JAG1: variants seen among roughly 807,000 people sequenced by gnomAD.
JAG1 encodes the protein jagged canonical Notch ligand 1.
Under a neutral mutation model 148.7 loss-of-function variants are expected in JAG1, and 23 were observed. The ratio of observed to expected loss-of-function variants is 0.15; its 90% CI spans 0.11 to 0.22. The LOEUF (loss-of-function observed/expected upper bound fraction) is 0.22, where lower values mean the gene tolerates loss of function less well. Among genes scored for constraint, JAG1 ranks in the 10% least tolerant of loss-of-function variants. JAG1 has a pLI of 1.00. For missense variants in JAG1, 1,054 were observed against 1,611.2 expected (o/e 0.65, Z 5.92); for synonymous variants, 572 against 598.3 (o/e 0.96, Z 0.64).
chr20:10,640,078 GA>G (rs2067259845), intron 25 of JAG1, 123 bp from the exon 26 acceptor site: 1 of 780,056 alleles, frequency 1.3e-6, no homozygotes, highest in Admixed American at 2.0e-5. Context: ...GGGCCACAGG[GA>G]CAAGTCCCTT....
chr20:10,661,931 A>G (rs1345240123), intron 3 of JAG1, among the ~76,000 whole-genome samples: 1 of 152,188 alleles, frequency 6.6e-6, no homozygotes, highest in Admixed American at 6.5e-5. Context: ...ATCGCCTTCT[A>G]TATTTCTGGC....
At chr20:10,667,981 G>A (rs2067466599) in intron 2 of JAG1, among the ~76,000 whole-genome samples, 1 of 151,636 alleles carries the variant, frequency 6.6e-6, no homozygotes, top group South Asian at 2.1e-4. Flanking sequence ...TGAGCTGGTA[G>A]AGGACTCTGC....
intron 14 of JAG1, 59 bp downstream of exon 14, chr20:10,646,880 A>T: frequency 6.6e-7 from 1 of 1,520,440 alleles, no homozygotes; most frequent in Non-Finnish European, 9.1e-7. Context: ...CCAGGGGCAG[A>T]GGCAGGGGCA....
At chr20:10,659,708 GAC>G (rs2067403048) in intron 3 of JAG1, among the ~76,000 whole-genome samples, 1 of 151,188 alleles carries the variant, frequency 6.6e-6, no homozygotes, top group African/African-American at 2.4e-5. Flanking sequence ...CCAAAGTTTA[GAC>G]ACAGGTAAAT....
chr20:10,640,186 G>A (rs1415505417), intron 25 of JAG1, among the ~76,000 whole-genome samples: 3 of 152,236 alleles, frequency 2.0e-5, no homozygotes, highest in African/African-American at 7.2e-5. Flanking sequence ...GAGACTGGGT[G>A]GAGCGGCAGC....
At chr20:10,671,825 C>T (rs1280199062) in intron 2 of JAG1, among the ~76,000 whole-genome samples, 1 of 152,208 alleles carries the variant, frequency 6.6e-6, no homozygotes, top group African/African-American at 2.4e-5. Context: ...GGGCCCGGGC[C>T]TCGAGCTCCT....
At position 10,647,955 on chromosome 20, in the gene JAG1, G is replaced by A. The variant is rs757230587; in HGVS notation, c.1720+5C>T. 2.5e-6 allele frequency: 4 copies of A among 1,614,048 alleles called. No homozygotes were observed. In the Admixed American group the frequency reaches 6.7e-5, roughly 27 times the overall value. On this transcript the variant is annotated splice_donor_5th_base_variant and intron_variant, in intron 13 of 25. Transcript: ENST00000254958. Reference sequence around the variant, plus strand: ...GACAGCCAGGTCCCGGGAGAAGGGAGGTACCTTCACAGGGGGTCGTGCGGC... The same window carrying A: ...GACAGCCAGGTCCCGGGAGAAGGGAAGTACCTTCACAGGGGGTCGTGCGGC...
At chr20:10,652,057 C>G in intron 7 of JAG1, 74 bp downstream of exon 7, 1 of 1,526,680 alleles carries the variant, frequency 6.6e-7, no homozygotes, top group African/African-American at 1.4e-5. Flanking sequence ...TTAAACAAGT[C>G]CTTAAGTATA....
At chr20:10,642,628 G>A in intron 20 of JAG1, 27 bp from the exon 21 acceptor site, 1 of 1,310,524 alleles carries the variant, frequency 7.6e-7, no homozygotes, top group Admixed American at 1.7e-5. Context: ...TCAAGTTTAG[G>A]GACTGATGGT....
At chr20:10,666,761 G>A (rs1458994268) in intron 2 of JAG1, among the ~76,000 whole-genome samples, 2 of 152,186 alleles carry the variant, frequency 1.3e-5, no homozygotes, top group African/African-American at 4.8e-5. Context: ...CTGGCAGCTG[G>A]TTCCCATTCT....
chr20:10,640,433 G>A (rs2067262747), intron 25 of JAG1, among the ~76,000 whole-genome samples: 2 of 152,248 alleles, frequency 1.3e-5, no homozygotes, highest in Admixed American at 6.5e-5. Context: ...ACAGAGCTCA[G>A]CAGTGGCTAG....
chr20:10,662,343 C>G (rs999400185), intron 3 of JAG1: 1 of 152,276 alleles, frequency 6.6e-6, no homozygotes, highest in Non-Finnish European at 1.5e-5. Context: ...GGGGACATAA[C>G]TCCCTGACCT....
chr20:10,659,774 G>GA (rs757625114), intron 3 of JAG1, among the ~76,000 whole-genome samples: 1 of 151,322 alleles, frequency 6.6e-6, no homozygotes, highest in Admixed American at 6.6e-5. Flanking sequence ...TCATGCTCCT[G>GA]AAAAAAAATG....
At chr20:10,671,510 C>T (rs1298175172) in intron 2 of JAG1, among the ~76,000 whole-genome samples, 1 of 152,122 alleles carries the variant, frequency 6.6e-6, no homozygotes, top group Non-Finnish European at 1.5e-5. Flanking sequence ...AGATAGTCTC[C>T]CCTCTGTCTC....
chr20:10,657,742 C>T (rs1448429998), intron 4 of JAG1, among the ~76,000 whole-genome samples: 1 of 152,184 alleles, frequency 6.6e-6, no homozygotes, highest in Non-Finnish European at 1.5e-5. Context: ...CAGTAGACAG[C>T]ACAGAGACTA....
intron 2 of JAG1, among the ~76,000 whole-genome samples, chr20:10,667,640 G>A (rs1048147195): frequency 6.6e-6 from 1 of 152,112 alleles, no homozygotes; most frequent in Non-Finnish European, 1.5e-5. Flanking sequence ...AAGCAATCAA[G>A]TCTGTAGGGC....
Position 10,650,276 on chromosome 20 carries a change from G to C in JAG1, c.1205C>G (p.Pro402Arg), listed in dbSNP as rs144204614. 3.7e-5 allele frequency: 60 copies of C among 1,612,912 alleles called. No individual in the cohort carries two copies. The highest frequency in any genetic ancestry group is 4.7e-5 in the Non-Finnish European group (56 of 1,179,098). ...CTGGCACGTTTTCCCAGTCCACTGT[G>C]GGGGGCACACACACTTAAATCCGTT... ...LVNGFKCVCP[P>R]QWTGKTCQLD... Residue 402 changes from proline to arginine, a missense_variant, in exon 9 of 26, where the codon CCA (proline) becomes CGA (arginine). By Grantham distance (103) the Pro-to-Arg change is moderately radical (BLOSUM62 -2). This residue lies in a region of JAG1 where 245 missense variants were observed against 373.1 expected (regional missense o/e 0.66). Transcript: ENST00000254958.
rs1022195255 is a variant in JAG1 at position 10,672,943 on chromosome 20, G to C, written c.145C>G (p.Leu49Val). 1.2e-6 allele frequency: 2 copies of C among 1,613,038 alleles called. No individual in the cohort carries two copies. The highest frequency in any genetic ancestry group is 1.7e-6 in the Non-Finnish European group (2 of 1,180,008). Residue 49 changes from leucine (L) to valine (V), a missense_variant, in exon 2 of 26, where the codon CTG becomes GTG. Around this residue, in one of 6 missense-constraint regions of JAG1, gnomAD observed 151 missense variants for 211.1 expected, o/e 0.72. Coordinates refer to ENST00000254958, the MANE Select transcript of JAG1 (RefSeq NM_000214.3). ...ILSMQNVNGE[L>V]QNGNCCGGAR... ...CCGCCGCAGCAGTTCCCGTTCTGCAGCTCCCCGTTCACGTTCTGCATGGAC... is the reference window on the plus strand; with the variant it reads ...CCGCCGCAGCAGTTCCCGTTCTGCACCTCCCCGTTCACGTTCTGCATGGAC...
rs1307096286 is a variant in JAG1 at position 10,639,288 on chromosome 20, T to C, written c.*210A>G. On this transcript the variant is annotated 3_prime_UTR_variant, in exon 26 of 26. Coordinates refer to ENST00000254958, the MANE Select transcript of JAG1 (RefSeq NM_000214.3). ...AGGGGACACACAACCAGGGTACTGT[T>C]GACTAGCTTTTTGCATAGCTGTGAG... 1 of 638,264 alleles carries C rather than the reference T, an allele frequency of 1.6e-6. No individual in the cohort carries two copies. Among genetic ancestry groups the C allele is most frequent in the Non-Finnish European group, 2.9e-6 (1 of 348,910 alleles). The allele number at this position is 638,264 out of a possible 1,614,324, so 39.5% of individuals were successfully genotyped here.
Sources: gnomAD v4.1 joint callset for allele counts (sites outside exome capture counted in the v4.1 genomes callset) on GRCh38, gnomAD v4.1.1 for gene constraint, gnomAD v4.1.1 regional missense constraint, MANE v1.5 for transcripts, NCBI Gene and HGNC (gene_info 2026-07-23, HGNC 2026-07-21) for gene names.